Variants in FAM111B observed in about 807,000 individuals in gnomAD.
FAM111B encodes serine protease FAM111B.
In FAM111B, 1 loss-of-function variant was observed where a neutral mutation model predicts 2.8. The observed-to-expected ratio is 0.36, with a 90% CI of 0.13 to 1.70. FAM111B has a LOEUF of 1.70. Among genes scored for constraint, FAM111B ranks in the 40% most tolerant of loss-of-function variants. FAM111B has a pLI of 0.35. For synonymous variants in FAM111B, 297 were observed against 295.6 expected (o/e 1.00, Z -0.05); for missense variants, 882 against 878.9 (o/e 1.00, Z -0.04).
At chr11:59,121,292 T>C (rs1407739970) in intron 3 of FAM111B, among the ~76,000 whole-genome samples, 1 of 152,060 alleles carries the variant, frequency 6.6e-6, no homozygotes, top group Non-Finnish European at 1.5e-5. Context: ...TAATCCAGTA[T>C]AAAAATGAAC....
At position 59,126,105 on chromosome 11, in the gene FAM111B, T is replaced by C; in HGVS notation, c.2008T>C (p.Phe670Leu). 1 of 1,613,364 alleles carries C rather than the reference T, an allele frequency of 6.2e-7. No individual in the cohort carries two copies. Among genetic ancestry groups the C allele is most frequent in the African/African-American group, 1.3e-5 (1 of 74,964 alleles). ...GGTTGCTTTGCATACCTTTGGGCTTTTTTATCAACGAGGATTTAATGTGCA... is the reference window on the plus strand; with the variant it reads ...GGTTGCTTTGCATACCTTTGGGCTTCTTTATCAACGAGGATTTAATGTGCA... ...KLVALHTFGL[F>L]YQRGFNVHAL... The change falls in exon 4 of 4, where the codon TTT becomes CTT. Residue 670 changes from phenylalanine (F) to leucine (L), a missense_variant. By Grantham distance (22) the Phe-to-Leu change is conservative. Coordinates refer to ENST00000343597, the MANE Select transcript of FAM111B (RefSeq NM_198947.4).
At chr11:59,113,587 AC>A (rs1252927455) in intron 3 of FAM111B, among the ~76,000 whole-genome samples, 1 of 151,962 alleles carries the variant, frequency 6.6e-6, no homozygotes, top group East Asian at 1.9e-4. Flanking sequence ...TTGACGAGAA[AC>A]CCTTGCTTCC....
intron 3 of FAM111B, among the ~76,000 whole-genome samples, chr11:59,111,962 G>A (rs1859765081): frequency 1.3e-5 from 2 of 152,086 alleles, no homozygotes; most frequent in African/African-American, 4.8e-5. Context: ...TATTTGAAAG[G>A]CTTTAACTTT....
rs149067366 is a variant in FAM111B at position 59,111,687 on chromosome 11, A to G, written c.81+1981A>G. 3.3e-4 allele frequency among the ~76,000 whole-genome samples: 50 copies of G among 152,294 alleles called. No individual in the cohort carries two copies. The East Asian group carries it at 9.1e-3, about 28-fold the overall frequency. ...GAACCACATGTGGCTGTGGAATTAG[A>G]CAGTGCAGATGTAGAACATTTCCGT... is the stretch of plus-strand genomic sequence containing the variant. On this transcript the variant is annotated intron_variant, in intron 3 of 3. Transcript: ENST00000343597.
chr11:59,108,387 A>G (rs538063730), intron 1 of FAM111B, among the ~76,000 whole-genome samples: 7 of 152,316 alleles, frequency 4.6e-5, no homozygotes, highest in Admixed American at 2.6e-4. Flanking sequence ...TCATATATCC[A>G]GAGTTCCCTC....
intron 3 of FAM111B, among the ~76,000 whole-genome samples, chr11:59,119,339 CT>C (rs149232382): frequency 6.6e-6 from 1 of 152,222 alleles, no homozygotes; most frequent in Admixed American, 6.5e-5. Context: ...CCTAGAACCT[CT>C]TTTCAGGCAG....
intron 3 of FAM111B, among the ~76,000 whole-genome samples, chr11:59,119,740 TTTCCC>T (rs1859892588): frequency 6.6e-6 from 1 of 152,230 alleles, no homozygotes; most frequent in Non-Finnish European, 1.5e-5. Context: ...ATTATAAGTA[TTTCCC>T]TTATAATGAG....
chr11:59,124,646 C>A lies in FAM111B; in HGVS notation c.549C>A (p.Cys183Ter), dbSNP rs1248326977. 1 of 1,613,688 alleles carries A rather than the reference C, an allele frequency of 6.2e-7. No individual in the cohort carries two copies. The highest frequency in any genetic ancestry group is 8.5e-7 in the Non-Finnish European group (1 of 1,179,722). Reference sequence around the variant, plus strand: ...AATGTGAAAATCCAAACATGGAATGCATTCTTTTTCATGTTGTTGCTATAG... The same window carrying A: ...AATGTGAAAATCCAAACATGGAATGAATTCTTTTTCATGTTGTTGCTATAG... ...LRQCENPNME[C>*]ILFHVVAIGR... The change falls in exon 4 of 4, where the codon TGC (cysteine) becomes TGA (stop). Residue 183 changes from cysteine to a stop codon, truncating the protein, a stop_gained. Coordinates refer to ENST00000343597, the MANE Select transcript of FAM111B (RefSeq NM_198947.4). LOFTEE classifies it low-confidence loss of function (END_TRUNC).
chr11:59,122,279 A>G (rs1306711565), intron 3 of FAM111B, among the ~76,000 whole-genome samples: 3 of 152,266 alleles, frequency 2.0e-5, no homozygotes, highest in African/African-American at 7.2e-5. Context: ...ACATATGTAT[A>G]TGTCCCTAAA....
rs756349466 is a variant in FAM111B at position 59,126,115 on chromosome 11, G to A, written c.2018G>A (p.Arg673Gln). The change falls in exon 4 of 4, where the codon CGA becomes CAA. Residue 673 changes from arginine to glutamine, a missense_variant. Arg to Gln is a conservative substitution (Grantham distance 43). Coordinates refer to ENST00000343597, the MANE Select transcript of FAM111B (RefSeq NM_198947.4). ...ALHTFGLFYQ[R>Q]GFNVHALIEF... ...CATACCTTTGGGCTTTTTTATCAAC[G>A]AGGATTTAATGTGCATGCCCTTATT... The A allele has an allele frequency of 2.5e-6, 4 of 1,613,270 alleles. No homozygotes were observed. In the African/African-American group the frequency reaches 4.0e-5, roughly 16 times the overall value.
chr11:59,119,713 A>T (rs899840136), intron 3 of FAM111B, among the ~76,000 whole-genome samples: 1 of 152,218 alleles, frequency 6.6e-6, no homozygotes, highest in Non-Finnish European at 1.5e-5. Context: ...AGGGAATATC[A>T]TGTTAAATAA....
Position 59,117,999 on chromosome 11 carries a change from A to G in FAM111B, c.82-6180A>G, listed in dbSNP as rs571122423. Among the ~76,000 whole-genome samples, 5 of 152,356 alleles carry G rather than the reference A, an allele frequency of 3.3e-5. No individual in the cohort carries two copies. The South Asian group carries it at 1.0e-3, about 32-fold the overall frequency. On this transcript the variant is annotated intron_variant, in intron 3 of 3. Coordinates refer to ENST00000343597, the MANE Select transcript of FAM111B (RefSeq NM_198947.4). ...CTGGTTGCAGAATTTTCTGGGATTT[A>G]AATACCCTCTAGAGGTTTCTCATTG... is the stretch of plus-strand genomic sequence containing the variant.
Position 59,124,547 on chromosome 11 carries a change from G to C in FAM111B, c.450G>C (p.Leu150=). ...HINLGMPLKC[L]PSDSHFKITF... ...ATTTAGGAATGCCTCTCAAGTGCCT[G>C]CCTAGTGATTCTCATTTTAAAATTA... The change falls in exon 4 of 4, where the codon CTG becomes CTC. Residue 150 remains leucine, a synonymous_variant. Transcript: ENST00000343597. The C allele has an allele frequency of 1.2e-6, 2 of 1,613,556 alleles. No homozygotes were observed. The highest frequency in any genetic ancestry group is 2.2e-5 in the South Asian group (2 of 91,012).
intron 3 of FAM111B, among the ~76,000 whole-genome samples, chr11:59,121,480 CTCATT>C (rs2135401877): frequency 6.6e-6 from 1 of 152,270 alleles, no homozygotes; most frequent in East Asian, 1.9e-4. Flanking sequence ...AATGAGAACT[CTCATT>C]TCTCATTGGT....
In FAM111B at chr11:59,121,083, A is replaced by C. The variant is rs184905103; in HGVS notation, c.82-3096A>C. Among the ~76,000 whole-genome samples, 289 of 152,170 alleles carry C rather than the reference A, an allele frequency of 1.9e-3. 1 individual carries two copies. Among genetic ancestry groups the C allele is most frequent in the Admixed American group, 0.017 (264 of 15,288 alleles). ...TACAATTTTTTGAAAAAAAAAAAAA[A>C]AACAATTATCCTGTGAAAGGTGTTC... On this transcript the variant is annotated intron_variant, in intron 3 of 3. Transcript: ENST00000343597.
In FAM111B at chr11:59,126,841, A is replaced by G. The variant is rs1300494406; in HGVS notation, c.*539A>G. ...TGTGGAAAGCAGTTGGGTGATTTCTAAAAGAACTTAAAACAGCTACCATTC... is the reference window on the plus strand; with the variant it reads ...TGTGGAAAGCAGTTGGGTGATTTCTGAAAGAACTTAAAACAGCTACCATTC... On this transcript the variant is annotated 3_prime_UTR_variant, in exon 4 of 4. Coordinates refer to ENST00000343597, the MANE Select transcript of FAM111B (RefSeq NM_198947.4). 1 of 160,580 alleles carries G rather than the reference A, an allele frequency of 6.2e-6. No homozygotes were observed. The highest frequency in any genetic ancestry group is 1.5e-5 in the Non-Finnish European group (1 of 68,044). 9.9% of individuals were successfully genotyped at this position (160,580 alleles called of 1,614,324 possible).
At position 59,125,262 on chromosome 11, in the gene FAM111B, A is replaced by G. The variant is rs1860002682; in HGVS notation, c.1165A>G (p.Lys389Glu). 1 of 1,613,834 alleles carries G rather than the reference A, an allele frequency of 6.2e-7. No individual in the cohort carries two copies. The highest frequency in any genetic ancestry group is 1.3e-5 in the African/African-American group (1 of 74,926). ...CCAAAAGGAGGCAATTAATCTCTTA[A>G]AGAATTATCAAACGTTGAATGAAGC... ...DVQKEAINLL[K>E]NYQTLNEAIM... The change falls in exon 4 of 4, where the codon AAG becomes GAG. Residue 389 changes from lysine (K) to glutamate (E), a missense_variant. Coordinates refer to ENST00000343597, the MANE Select transcript of FAM111B (RefSeq NM_198947.4).
At chr11:59,115,947 A>G (rs1859834642) in intron 3 of FAM111B, among the ~76,000 whole-genome samples, 2 of 152,188 alleles carry the variant, frequency 1.3e-5, no homozygotes, top group Non-Finnish European at 1.5e-5. Context: ...GGAAAAATGC[A>G]TTATTAGTGG....
intron 3 of FAM111B, among the ~76,000 whole-genome samples, chr11:59,112,556 A>AAG (rs1327786464): frequency 7.9e-5 from 12 of 152,238 alleles, no homozygotes; most frequent in African/African-American, 2.9e-4. Flanking sequence ...AGTGTATGAC[A>AAG]TAACTTTAAT....
Sources: gnomAD v4.1 joint callset for allele counts (sites outside exome capture counted in the v4.1 genomes callset) on GRCh38, gnomAD v4.1.1 for gene constraint, MANE v1.5 for transcripts, NCBI Gene and HGNC (gene_info 2026-07-23, HGNC 2026-07-21) for gene names.